The following EXD3 variants were observed in gnomAD, a reference collection of about 807,000 sequenced individuals.
EXD3 encodes the protein exonuclease 3'-5' domain containing 3.
Under a neutral mutation model 98.0 loss-of-function variants are expected in EXD3, and 92 were observed. That is an observed-to-expected ratio of 0.94 (90% confidence interval 0.79 to 1.12). The LOEUF is 1.12. Among genes scored for constraint, EXD3 ranks in the 50% most tolerant of loss-of-function variants. The pLI, the probability that EXD3 is intolerant of heterozygous loss-of-function variation, is 0.00. For missense variants in EXD3, 1,222 were observed against 1,191.6 expected (o/e 1.03, Z -0.38); for synonymous variants, 569 against 526.0 (o/e 1.08, Z -1.12).
At chr9:137,351,007 G>A (rs1372430954) in intron 14 of EXD3, 31 bp downstream of exon 14, 7 of 1,537,682 alleles carry the variant, frequency 4.6e-6, no homozygotes, top group Non-Finnish European at 6.2e-6. Flanking sequence ...GGCCCACCCG[G>A]CATCTTGTGA....
chr9:137,343,954 C>T (rs1307721365), intron 17 of EXD3, among the ~76,000 whole-genome samples: 21 of 105,582 alleles, frequency 2.0e-4, no homozygotes, highest in East Asian at 6.1e-4. Context: ...TGCAGTGGCA[C>T]GATCTCGGCT....
rs1443731198 is a variant in EXD3, at chr9:137,355,604, AAAGGAGGAAGGAGG to A, written c.757+650_757+663del. On this transcript the variant is annotated intron_variant, in intron 8 of 21. Transcript: ENST00000340951. ...GAGGAAGGAGAAAGGGCGGAAGGAG[AAAGGAGGAAGGAGG>A]AAGGGAGGATGGAGGAAGGAGGAAG... Among the ~76,000 whole-genome samples the A allele has an allele frequency of 8.6e-4, 2 of 2,316 alleles. 1 individual carries two copies. Among genetic ancestry groups the A allele is most frequent in the African/African-American group, 4.8e-3 (2 of 414 alleles). The allele number at this position is 2,316 out of a possible 152,430, so 1.5% of individuals were successfully genotyped here.
intron 17 of EXD3, among the ~76,000 whole-genome samples, chr9:137,340,367 C>T (rs1052036808): frequency 2.0e-5 from 3 of 152,064 alleles, no homozygotes; most frequent in Non-Finnish European, 2.9e-5. Flanking sequence ...ATCCCAGCTA[C>T]TCAGGAGGCT....
chr9:137,354,278 G>C, intron 10 of EXD3, 61 bp downstream of exon 10: 1 of 1,596,146 alleles, frequency 6.3e-7, no homozygotes, highest in South Asian at 1.1e-5. Flanking sequence ...CTCCGGGCCT[G>C]TGCCCCTAGG....
intron 17 of EXD3, among the ~76,000 whole-genome samples, chr9:137,345,559 G>A (rs745853469): frequency 6.6e-6 from 1 of 151,496 alleles, no homozygotes; most frequent in African/African-American, 2.4e-5. Context: ...GTACTCAGGA[G>A]GCTTAGACAG....
At chr9:137,308,063 C>T (rs933541290) in intron 20 of EXD3, among the ~76,000 whole-genome samples, 13 of 152,086 alleles carry the variant, frequency 8.5e-5, no homozygotes, top group Non-Finnish European at 1.9e-4. Flanking sequence ...CCAGGGACTG[C>T]CAGGCTCAGG....
Position 137,307,626 on chromosome 9 carries a change from G to A in EXD3, c.2299C>T (p.Gln767Ter). Residue 767 changes from glutamine to a stop codon, truncating the protein, a stop_gained, in exon 21 of 22, where the codon CAG becomes TAG. Coordinates refer to ENST00000340951, the MANE Select transcript of EXD3 (RefSeq NM_017820.5). LOFTEE classifies it low-confidence loss of function (END_TRUNC). ...GGCTCACCTGGCTCCTGCACCGCCT[G>A]GCTCTGGGTGGCCTCGTCACCTGTC... The part of the protein sequence containing the change: ...RSSGDEATQS[Q>*]AVQEPGPAPD... The A allele has an allele frequency of 6.2e-7, 1 of 1,610,214 alleles. No individual in the cohort carries two copies. The highest frequency in any genetic ancestry group is 8.5e-7 in the Non-Finnish European group (1 of 1,179,712).
At chr9:137,401,152 C>CT (rs34114761) in intron 1 of EXD3, among the ~76,000 whole-genome samples, 42,085 of 108,294 alleles carry the variant, frequency 0.39, 9,326 homozygotes, top group East Asian at 0.63. Context: ...CACCCATTTC[C>CT]TTTTTTTTTT....
At chr9:137,314,449 G>A (rs1028846706) in intron 19 of EXD3, among the ~76,000 whole-genome samples, 10 of 152,152 alleles carry the variant, frequency 6.6e-5, no homozygotes, top group Non-Finnish European at 2.9e-5. Context: ...GGGGATAGCG[G>A]CCGTCTTTTG....
chr9:137,368,116 T>A (rs1475100543), intron 5 of EXD3, 127 bp from the exon 6 acceptor site: 10 of 760,090 alleles, frequency 1.3e-5, no homozygotes, highest in Non-Finnish European at 1.9e-5. Context: ...GGCCTTCCCG[T>A]GTTCAGCCAC....
chr9:137,367,224 T>C (rs1265454280), intron 6 of EXD3, among the ~76,000 whole-genome samples: 1 of 152,198 alleles, frequency 6.6e-6, no homozygotes, highest in Non-Finnish European at 1.5e-5. Flanking sequence ...CAGCAGTGCC[T>C]TGGGGGACAG....
chr9:137,406,897 C>T (rs1477921392), intron 1 of EXD3, among the ~76,000 whole-genome samples: 2 of 152,018 alleles, frequency 1.3e-5, no homozygotes, highest in African/African-American at 4.8e-5. Context: ...CGGCCTTGCG[C>T]GCTGCGGGGA....
In EXD3 at chr9:137,366,587, G is replaced by A. The variant is rs760498288; in HGVS notation, c.562C>T (p.Arg188Cys). Residue 188 changes from arginine to cysteine, a missense_variant, in exon 7 of 22, where the codon CGC (arginine) becomes TGC (cysteine). Transcript: ENST00000340951. ...AGGTCCGGGAAGCCGGCCACATAGC[G>A]CTCCACGAGGGCCACCTTGTCCTGG... is the stretch of plus-strand genomic sequence containing the variant. ...LLQDKVALVE[R>C]YVAGFPDLQR... is the part of the protein sequence containing the mutation. 16 of 1,554,490 alleles carry A rather than the reference G, an allele frequency of 1.0e-5. No individual in the cohort carries two copies. Among genetic ancestry groups the A allele is most frequent in the East Asian group, 2.4e-5 (1 of 41,188 alleles).
chr9:137,319,726 A>G (rs1831924552), intron 19 of EXD3, among the ~76,000 whole-genome samples: 1 of 152,196 alleles, frequency 6.6e-6, no homozygotes, highest in South Asian at 2.1e-4. Context: ...TGTGCAAAGC[A>G]AGCTCCATTC....
intron 19 of EXD3, among the ~76,000 whole-genome samples, chr9:137,322,703 G>GGA (rs1832118826): frequency 3.6e-5 from 4 of 111,678 alleles, no homozygotes; most frequent in African/African-American, 7.3e-5. Context: ...ACCCCCAAGA[G>GGA]ATTCTCTGCC....
At chr9:137,356,864 G>A (rs879184517) in intron 7 of EXD3, among the ~76,000 whole-genome samples, 1 of 152,140 alleles carries the variant, frequency 6.6e-6, no homozygotes, top group Admixed American at 6.5e-5. Flanking sequence ...CTCCTGCCCT[G>A]CAAGGTCCTG....
At chr9:137,344,713 T>G (rs1189443739) in intron 17 of EXD3, among the ~76,000 whole-genome samples, 1 of 152,156 alleles carries the variant, frequency 6.6e-6, no homozygotes, top group African/African-American at 2.4e-5. Flanking sequence ...TTAAGAGCGC[T>G]CCCCTCAGTC....
chr9:137,352,671 C>T lies in EXD3; in HGVS notation c.986G>A (p.Arg329Gln), dbSNP rs766709505. 17 of 1,552,252 alleles carry T rather than the reference C, an allele frequency of 1.1e-5. No homozygotes were observed. The highest frequency in any genetic ancestry group is 7.1e-5 in the South Asian group (6 of 84,186). Residue 329 changes from arginine to glutamine, a missense_variant, in exon 11 of 22, where the codon CGG (arginine) becomes CAG (glutamine). Physicochemically the swap from Arg to Gln is conservative, Grantham distance 43. Coordinates refer to ENST00000340951, the MANE Select transcript of EXD3 (RefSeq NM_017820.5). ...TTCCACAGCCACCGCAGCCGGCAGC[C>T]GCTCCTCGGGCAGCAAGAGTTCCAT... ...CAMELLLPEE[R>Q]LPAAVAVELR...
At chr9:137,354,590 T>A (rs1834510552) in intron 9 of EXD3, 110 bp downstream of exon 9, 2 of 1,555,456 alleles carry the variant, frequency 1.3e-6, no homozygotes, top group Middle Eastern at 3.3e-4. Context: ...AAGAAGCAGC[T>A]CCTACTTGAT....
Sources: gnomAD v4.1 joint callset for allele counts (sites outside exome capture counted in the v4.1 genomes callset) on GRCh38, gnomAD v4.1.1 for gene constraint, MANE v1.5 for transcripts, NCBI Gene and HGNC (gene_info 2026-07-23, HGNC 2026-07-21) for gene names.